Variants in RTN1 observed in about 807,000 individuals in gnomAD.
RTN1 encodes reticulon 1, also known as reticulon-1.
RTN1 carries 25 observed loss-of-function variants against 65.5 expected under a neutral mutation model. The observed-to-expected ratio is 0.38, with a 90% CI of 0.28 to 0.53. RTN1 has a LOEUF of 0.53. Ranked by LOEUF, RTN1 falls within the 20% of genes least tolerant of loss-of-function variation. The pLI, the probability that RTN1 is intolerant of heterozygous loss-of-function variation, is 0.79. For synonymous variants in RTN1, 471 were observed against 447.6 expected, an observed-to-expected ratio of 1.05 and a Z score of -0.66; for missense variants, 983 against 1,025.4, an observed-to-expected ratio of 0.96 and a Z score of 0.57.
intron 3 of RTN1, among the ~76,000 whole-genome samples, chr14:59,682,173 G>A (rs1372447913): frequency 6.6e-6 from 1 of 152,086 alleles, no homozygotes; most frequent in Non-Finnish European, 1.5e-5. Context: ...GAAATCACAT[G>A]CTATTTCACC....
chr14:59,750,495 T>TATCTATAATATATATAA lies in RTN1; in HGVS notation c.242-4015_242-4014insTTATATATATTATAGAT, dbSNP rs1566713951. 6.4e-3 allele frequency among the ~76,000 whole-genome samples: 171 copies of TATCTATAATATATATAA among 26,864 alleles called. 12 individuals carry two copies. Among genetic ancestry groups the TATCTATAATATATATAA allele is most frequent in the Non-Finnish European group, 0.01 (135 of 13,342 alleles). 17.6% of individuals were successfully genotyped at this position (26,864 alleles called of 152,430 possible). On this transcript the variant is annotated intron_variant, in intron 1 of 8. Transcript: ENST00000267484. The stretch of plus-strand genomic sequence containing the variant: ...ATATAATATATCTATAATATATATA[T>TATCTATAATATATATAA]TATATCTATAATATATATAATATAT...
intron 8 of RTN1, among the ~76,000 whole-genome samples, chr14:59,598,499 C>T (rs1881478119): frequency 6.6e-6 from 1 of 152,096 alleles, no homozygotes. Context: ...GGGCTGGAGA[C>T]ACAAGTTTGC....
chr14:59,726,954 G>C lies in RTN1; in HGVS notation c.1730C>G (p.Ala577Gly). 1 of 1,613,136 alleles carries C rather than the reference G, an allele frequency of 6.2e-7. No homozygotes were observed. The highest frequency in any genetic ancestry group is 8.5e-7 in the Non-Finnish European group (1 of 1,179,668). The change falls in exon 3 of 9, where the codon GCC (alanine) becomes GGC (glycine). Residue 577 changes from alanine (A) to glycine (G), a missense_variant. Around this residue, in one of 2 missense-constraint regions of RTN1, gnomAD observed 818 missense variants for 801.8 expected, o/e 1.02. Transcript: ENST00000267484. ...ATTGAGAAACAGCAGTGGGGGCGGGGCGCCAGGACCTAGAGGCCCAGGGCC... is the reference window on the plus strand; with the variant it reads ...ATTGAGAAACAGCAGTGGGGGCGGGCCGCCAGGACCTAGAGGCCCAGGGCC... ...TKGPGPLGPG[A>G]PPPLLFLNKQ...
chr14:59,609,675 T>C (rs1040093063), intron 3 of RTN1, among the ~76,000 whole-genome samples: 3 of 152,174 alleles, frequency 2.0e-5, no homozygotes, highest in African/African-American at 7.2e-5. Flanking sequence ...TAAAGGTCTT[T>C]GACGGTCCGG....
At chr14:59,689,866 T>G (rs1418118638) in intron 3 of RTN1, among the ~76,000 whole-genome samples, 1 of 152,054 alleles carries the variant, frequency 6.6e-6, no homozygotes, top group Non-Finnish European at 1.5e-5. Flanking sequence ...TAAACTTAAG[T>G]ACACAGCCCA....
chr14:59,736,413 T>G (rs796104008), intron 2 of RTN1, among the ~76,000 whole-genome samples: 1 of 152,038 alleles, frequency 6.6e-6, no homozygotes, highest in Non-Finnish European at 1.5e-5. Context: ...GCATATAAAC[T>G]AGAAAATCTA....
intron 3 of RTN1, among the ~76,000 whole-genome samples, chr14:59,690,270 A>T (rs1883933042): frequency 6.6e-6 from 1 of 151,852 alleles, no homozygotes; most frequent in African/African-American, 2.4e-5. Flanking sequence ...TCAAAGAAAG[A>T]TCTATCATGC....
At chr14:59,630,941 G>A (rs1289870756) in intron 3 of RTN1, 4 of 632,300 alleles carry the variant, frequency 6.3e-6, no homozygotes, top group African/African-American at 2.0e-5. Context: ...CAGAATATGC[G>A]AGGTGCATAT....
Position 59,624,523 on chromosome 14 carries a change from G to A in RTN1, c.1766-17031C>T, listed in dbSNP as rs541424464. The stretch of plus-strand genomic sequence containing the variant: ...GTTGCCCAGGCTGGAGTGCAATGGC[G>A]TGATCTCAGCTCACTGCAACCTCTG... On this transcript the variant is annotated intron_variant, in intron 3 of 8. Transcript: ENST00000267484. Among the ~76,000 whole-genome samples the A allele has an allele frequency of 4.0e-5, 6 of 150,838 alleles. No individual in the cohort carries two copies. In the South Asian group the frequency reaches 8.4e-4, roughly 21 times the overall value.
At chr14:59,729,713 G>C (rs746119555) in intron 2 of RTN1, among the ~76,000 whole-genome samples, 16 of 152,192 alleles carry the variant, frequency 1.1e-4, no homozygotes, top group Non-Finnish European at 2.1e-4. Context: ...AGGGTCTAGG[G>C]ACAATAGATT....
rs112442144 is a variant in RTN1 at position 59,753,193 on chromosome 14, A to G, written c.242-6712T>C. 1.3e-4 allele frequency among the ~76,000 whole-genome samples: 20 copies of G among 152,298 alleles called. 1 individual carries two copies. Among genetic ancestry groups the G allele is most frequent in the African/African-American group, 4.6e-4 (19 of 41,560 alleles). On this transcript the variant is annotated intron_variant, in intron 1 of 8. Transcript: ENST00000267484. ...ATTGAGGGAACAGAATCTAAATGAC[A>G]TCTATATTATTCTAAAAATAAAATA...
intron 3 of RTN1, among the ~76,000 whole-genome samples, chr14:59,623,054 A>G (rs1489891579): frequency 6.6e-6 from 1 of 152,244 alleles, no homozygotes; most frequent in African/African-American, 2.4e-5. Context: ...CCACCACTTT[A>G]AATGAGCTTT....
chr14:59,751,748 C>T (rs927388691), intron 1 of RTN1, among the ~76,000 whole-genome samples: 3 of 152,192 alleles, frequency 2.0e-5, no homozygotes, highest in Non-Finnish European at 4.4e-5. Context: ...TGGCAAGTTG[C>T]ATATCCCTCT....
At chr14:59,746,627 C>T in intron 1 of RTN1, 146 bp from the exon 2 acceptor site, 1 of 636,418 alleles carries the variant, frequency 1.6e-6, no homozygotes, top group Non-Finnish European at 2.6e-6. Context: ...TCCCTCAGAG[C>T]ACCAGCATGT....
chr14:59,660,318 T>A (rs1255778706), intron 3 of RTN1, among the ~76,000 whole-genome samples: 1 of 152,130 alleles, frequency 6.6e-6, no homozygotes, highest in East Asian at 1.9e-4. Context: ...ACTGTCAATA[T>A]CAAACAGATC....
chr14:59,683,328 C>T lies in RTN1; in HGVS notation c.1765+43591G>A, dbSNP rs541117831. On this transcript the variant is annotated intron_variant, in intron 3 of 8. Transcript: ENST00000267484. Reference sequence around the variant, plus strand: ...AAATATGCATTTCTAATATAACTGACATGGAAAATACATTTTGCAGATTTG... The same window carrying T: ...AAATATGCATTTCTAATATAACTGATATGGAAAATACATTTTGCAGATTTG... Among the ~76,000 whole-genome samples the T allele has an allele frequency of 1.4e-3, 206 of 152,114 alleles. 1 individual carries two copies. The highest frequency in any genetic ancestry group is 6.8e-3 in the Middle Eastern group (2 of 294).
chr14:59,780,523 T>C (rs558344380), intron 1 of RTN1, among the ~76,000 whole-genome samples: 122 of 152,294 alleles, frequency 8.0e-4, no homozygotes, highest in Middle Eastern at 6.8e-3. Context: ...CTGGTGGTTA[T>C]CAAACTCAAG....
intron 1 of RTN1, among the ~76,000 whole-genome samples, chr14:59,863,090 T>C (rs150237844): frequency 1.7e-3 from 257 of 152,218 alleles, no homozygotes; most frequent in African/African-American, 5.8e-3. Context: ...CATCCCTGCT[T>C]ACTCATTCAG....
intron 1 of RTN1, among the ~76,000 whole-genome samples, chr14:59,869,583 G>T (rs889100275): frequency 2.3e-5 from 3 of 128,956 alleles, no homozygotes; most frequent in African/African-American, 5.5e-5. Flanking sequence ...CCGGGGTGGG[G>T]GGGGGGGGGC....
Sources: allele counts gnomAD v4.1 joint callset (sites outside exome capture counted in the v4.1 genomes callset), GRCh38; gene constraint gnomAD v4.1.1; regional missense constraint gnomAD v4.1.1; transcripts MANE v1.5; gene names NCBI Gene and HGNC (gene_info 2026-07-23, HGNC 2026-07-21).